Variants in MYO1D observed in about 807,000 individuals in gnomAD.
MYO1D encodes the protein myosin ID, also known as unconventional myosin-Id.
A neutral mutation model predicts 122.0 loss-of-function variants in MYO1D; 83 were observed. That is an observed-to-expected ratio of 0.68 (90% CI 0.57 to 0.82). The LOEUF (loss-of-function observed/expected upper bound fraction) is 0.82, where lower values mean the gene tolerates loss of function less well. MYO1D is among the 40% of genes least tolerant of loss of function. The pLI is 0.00. For missense variants in MYO1D, 1,157 were observed against 1,269.5 expected (o/e 0.91, Z 1.35); for synonymous variants, 464 against 446.9 (o/e 1.04, Z -0.48).
rs567506836 is a variant in MYO1D at position 32,543,094 on chromosome 17, C to T, written c.2865-48179G>A. 9.0e-3 allele frequency among the ~76,000 whole-genome samples: 1,350 copies of T among 150,492 alleles called. 15 individuals carry two copies. Among genetic ancestry groups the T allele is most frequent in the Non-Finnish European group, 0.014 (951 of 67,654 alleles). On this transcript the variant is annotated intron_variant, in intron 21 of 21. Coordinates refer to ENST00000318217, the MANE Select transcript of MYO1D (RefSeq NM_015194.3). ...ACAAAAAATTAGCCAGGCATGGTGG[C>T]GGGCGCCTGTAGTCCCAGCTACTCG...
intron 19 of MYO1D, among the ~76,000 whole-genome samples, chr17:32,643,235 G>C (rs2088230963): frequency 6.6e-6 from 1 of 152,136 alleles, no homozygotes; most frequent in Admixed American, 6.5e-5. Flanking sequence ...TTACTGATTT[G>C]CATATGTTGA....
intron 21 of MYO1D, among the ~76,000 whole-genome samples, chr17:32,500,227 G>T (rs1909271645): frequency 6.6e-6 from 1 of 152,144 alleles, no homozygotes; most frequent in African/African-American, 2.4e-5. Context: ...CTGTGTAAAT[G>T]GCTCTCTCCC....
chr17:32,705,508 C>G (rs997459091), intron 16 of MYO1D, among the ~76,000 whole-genome samples: 10 of 152,186 alleles, frequency 6.6e-5, no homozygotes, highest in African/African-American at 2.2e-4. Flanking sequence ...CGTGATCCGC[C>G]CGCCTTGGCC....
intron 21 of MYO1D, among the ~76,000 whole-genome samples, chr17:32,520,975 A>T (rs1318017727): frequency 2.0e-5 from 3 of 152,226 alleles, no homozygotes; most frequent in African/African-American, 7.2e-5. Context: ...AGCTGCTGAG[A>T]ACATAGGGCG....
intron 1 of MYO1D, among the ~76,000 whole-genome samples, chr17:32,868,420 G>A (rs576732123): frequency 2.0e-5 from 3 of 152,200 alleles, no homozygotes; most frequent in East Asian, 1.9e-4. Flanking sequence ...TGTCTATTTC[G>A]TGTTCTTGCA....
chr17:32,866,058 T>C (rs1017927412), intron 1 of MYO1D, among the ~76,000 whole-genome samples: 3 of 152,198 alleles, frequency 2.0e-5, no homozygotes, highest in Non-Finnish European at 2.9e-5. Context: ...CTATATTGCC[T>C]AGGCTGGAGT....
rs150683059 is a variant in MYO1D at position 32,659,192 on chromosome 17, G to A, written c.2268C>T (p.Tyr756=). 8.1e-6 allele frequency: 13 copies of A among 1,614,188 alleles called. No individual in the cohort carries two copies. Among genetic ancestry groups the A allele is most frequent in the Admixed American group, 6.7e-5 (4 of 60,020 alleles). The change falls in exon 17 of 22, where the codon TAC becomes TAT. Residue 756 remains tyrosine, a synonymous_variant. Coordinates refer to ENST00000318217, the MANE Select transcript of MYO1D (RefSeq NM_015194.3). The stretch of plus-strand genomic sequence containing the variant: ...GGCTTGGCCACTTCACGTGCTTCCC[G>A]TAGTCTCGCATGGTCTTGACGCCAT... The part of the protein sequence containing the change: ...RFHGVKTMRD[Y]GKHVKWPSPP...
At chr17:32,667,450 C>A (rs1386003205) in intron 16 of MYO1D, among the ~76,000 whole-genome samples, 2 of 152,104 alleles carry the variant, frequency 1.3e-5, no homozygotes, top group East Asian at 3.8e-4. Context: ...TAGCTTAATT[C>A]CTGACACAAA....
At chr17:32,694,326 C>T (rs2089143117) in intron 16 of MYO1D, among the ~76,000 whole-genome samples, 1 of 152,190 alleles carries the variant, frequency 6.6e-6, no homozygotes, top group Non-Finnish European at 1.5e-5. Context: ...TATTAATAAA[C>T]CAATGACCTA....
At chr17:32,822,797 G>A (rs1277670287) in intron 1 of MYO1D, among the ~76,000 whole-genome samples, 1 of 151,588 alleles carries the variant, frequency 6.6e-6, no homozygotes, top group Non-Finnish European at 1.5e-5. Flanking sequence ...CTCCGCTCGC[G>A]ACCGCTCCTC....
At chr17:32,728,863 T>C (rs188888768) in intron 14 of MYO1D, among the ~76,000 whole-genome samples, 476 of 152,312 alleles carry the variant, frequency 3.1e-3, no homozygotes, top group Middle Eastern at 0.02. Flanking sequence ...TGATTACGCA[T>C]AGGAAGTGGC....
In MYO1D at chr17:32,531,841, G is replaced by A. The variant is rs577637711; in HGVS notation, c.2865-36926C>T. Reference sequence around the variant, plus strand: ...ATCATGCTGAAATGTAGAGAAAAGTGATTGGGACAACATTTAAGCTTCTAG... The same window carrying A: ...ATCATGCTGAAATGTAGAGAAAAGTAATTGGGACAACATTTAAGCTTCTAG... On this transcript the variant is annotated intron_variant, in intron 21 of 21. Transcript: ENST00000318217. 1.5e-4 allele frequency among the ~76,000 whole-genome samples: 23 copies of A among 152,342 alleles called. 1 individual carries two copies. The East Asian group carries it at 4.2e-3, about 28-fold the overall frequency.
intron 20 of MYO1D, among the ~76,000 whole-genome samples, chr17:32,630,979 T>C (rs886066441): frequency 3.3e-5 from 5 of 152,172 alleles, no homozygotes; most frequent in Middle Eastern, 3.2e-3. Flanking sequence ...TCTCCTCTCA[T>C]GTGGACACCA....
intron 15 of MYO1D, among the ~76,000 whole-genome samples, chr17:32,713,545 A>G (rs2089405389): frequency 6.6e-6 from 1 of 152,208 alleles, no homozygotes; most frequent in Non-Finnish European, 1.5e-5. Flanking sequence ...TTACAGTTCC[A>G]GGCAAAAAAA....
At chr17:32,687,558 G>A (rs1342050791) in intron 16 of MYO1D, among the ~76,000 whole-genome samples, 6 of 151,814 alleles carry the variant, frequency 4.0e-5, no homozygotes, top group African/African-American at 1.5e-4. Context: ...GCCCAGGCTG[G>A]TCTTGAATTC....
chr17:32,768,310 A>G (rs1330470523), intron 6 of MYO1D, among the ~76,000 whole-genome samples: 1 of 152,102 alleles, frequency 6.6e-6, no homozygotes, highest in Non-Finnish European at 1.5e-5. Flanking sequence ...TCATTCTTTC[A>G]CTCACTTGAT....
intron 1 of MYO1D, among the ~76,000 whole-genome samples, chr17:32,825,426 G>A (rs1003394631): frequency 4.6e-5 from 7 of 152,058 alleles, no homozygotes; most frequent in Non-Finnish European, 8.8e-5. Flanking sequence ...TGAATAGCTG[G>A]GACTACAGGT....
intron 1 of MYO1D, among the ~76,000 whole-genome samples, chr17:32,845,232 A>C (rs1455245129): frequency 2.0e-5 from 3 of 152,186 alleles, no homozygotes; most frequent in African/African-American, 4.8e-5. Flanking sequence ...TTCAATTTTC[A>C]CTAGTAAACC....
At chr17:32,768,997 T>G (rs1458076450) in intron 6 of MYO1D, among the ~76,000 whole-genome samples, 1 of 152,214 alleles carries the variant, frequency 6.6e-6, no homozygotes, top group Admixed American at 6.5e-5. Context: ...CCTCTCTAAG[T>G]GTGCATGTCC....
Sources: allele counts gnomAD v4.1 joint callset (sites outside exome capture counted in the v4.1 genomes callset), GRCh38; gene constraint gnomAD v4.1.1; transcripts MANE v1.5; gene names NCBI Gene and HGNC (gene_info 2026-07-23, HGNC 2026-07-21).